CACNB2: variants seen among roughly 807,000 people sequenced by gnomAD.
CACNB2 encodes the protein calcium voltage-gated channel auxiliary subunit beta 2, also known as voltage-dependent L-type calcium channel subunit beta-2.
A neutral mutation model predicts 73.3 loss-of-function variants in CACNB2; 42 were observed. The observed-to-expected ratio is 0.57, with a 90% CI of 0.45 to 0.74. The LOEUF (loss-of-function observed/expected upper bound fraction) is 0.74, where lower values mean the gene tolerates loss of function less well. Among genes scored for constraint, CACNB2 ranks in the 30% least tolerant of loss-of-function variants. The probability of loss-of-function intolerance (pLI) is 0.00; values close to 1 mark genes in which losing one functional copy is unlikely to be tolerated. For missense variants in CACNB2, 940 were observed against 853.0 expected (o/e 1.10, Z -1.27); for synonymous variants, 348 against 310.3 (o/e 1.12, Z -1.28).
At chr10:18,295,967 C>T (rs1296672522) in intron 2 of CACNB2, among the ~76,000 whole-genome samples, 1 of 148,668 alleles carries the variant, frequency 6.7e-6, no homozygotes, top group Non-Finnish European at 1.5e-5. Context: ...TGTCTCTCTC[C>T]AGTTGTCAAA....
chr10:18,350,267 T>G (rs2041651219), intron 2 of CACNB2, among the ~76,000 whole-genome samples: 1 of 151,990 alleles, frequency 6.6e-6, no homozygotes, highest in Non-Finnish European at 1.5e-5. Flanking sequence ...TTTAAAATAA[T>G]AAAAATAATA....
At chr10:18,193,535 C>T (rs1023806868) in intron 2 of CACNB2, among the ~76,000 whole-genome samples, 47 of 152,114 alleles carry the variant, frequency 3.1e-4, no homozygotes, top group African/African-American at 1.1e-3. Context: ...GAGATAGATT[C>T]CAGAAGGGCC....
intron 12 of CACNB2, among the ~76,000 whole-genome samples, chr10:18,537,830 TTCCTA>T (rs1203689659): frequency 5.8e-4 from 89 of 152,280 alleles, no homozygotes; most frequent in African/African-American, 2.1e-3. Flanking sequence ...AACAGGCTTC[TTCCTA>T]TTCTATTCTA....
intron 3 of CACNB2, among the ~76,000 whole-genome samples, chr10:18,422,350 G>A (rs745733705): frequency 3.3e-5 from 5 of 152,226 alleles, no homozygotes; most frequent in Non-Finnish European, 7.3e-5. Context: ...TTGCAGAAGG[G>A]TAACCTACGG....
chr10:18,491,257 C>T lies in CACNB2; in HGVS notation c.334-7098C>T, dbSNP rs145581982. On this transcript the variant is annotated intron_variant, in intron 3 of 13. Transcript: ENST00000324631. ...GGAGTGAACTAGGAATGAGCTGAAC[C>T]ATGCCCCAGGGCCATGATGCTGGAA... is the stretch of plus-strand genomic sequence containing the variant. 1.0e-3 allele frequency among the ~76,000 whole-genome samples: 152 copies of T among 152,312 alleles called. 1 individual carries two copies. Among genetic ancestry groups the T allele is most frequent in the Non-Finnish European group, 2.0e-3 (133 of 68,034 alleles).
chr10:18,164,713 A>G (rs2032721289), intron 2 of CACNB2, among the ~76,000 whole-genome samples: 1 of 151,928 alleles, frequency 6.6e-6, no homozygotes, highest in Non-Finnish European at 1.5e-5. Context: ...CAGCCCGGAC[A>G]TCTGTGTTTA....
intron 2 of CACNB2, among the ~76,000 whole-genome samples, chr10:18,241,243 T>C (rs559963087): frequency 1.3e-5 from 2 of 152,328 alleles, no homozygotes; most frequent in African/African-American, 4.8e-5. Context: ...TAAGGCTGTG[T>C]CATGGGCACA....
chr10:18,374,682 A>C (rs17684350), intron 2 of CACNB2, among the ~76,000 whole-genome samples: 20,715 of 152,214 alleles, frequency 0.14, 1,542 homozygotes, highest in Middle Eastern at 0.21. Context: ...ACAGTAGTTC[A>C]ACACTCTGCA....
intron 1 of CACNB2, among the ~76,000 whole-genome samples, chr10:18,145,558 C>T (rs983063492): frequency 6.6e-6 from 1 of 151,996 alleles, no homozygotes; most frequent in African/African-American, 2.4e-5. Flanking sequence ...TTTTCTCTCT[C>T]TTTTTATGTG....
chr10:18,366,309 C>CA (rs1192269179), intron 2 of CACNB2, among the ~76,000 whole-genome samples: 219 of 150,516 alleles, frequency 1.5e-3, no homozygotes, highest in Middle Eastern at 0.014. Context: ...ACTAAAAATA[C>CA]AAAAAATTAG....
At chr10:18,485,912 T>C (rs2049035262) in intron 3 of CACNB2, among the ~76,000 whole-genome samples, 1 of 104,366 alleles carries the variant, frequency 9.6e-6, no homozygotes. Context: ...GGGATCTGGG[T>C]CATTTTTTTT....
At chr10:18,162,435 G>A (rs756899037) in intron 2 of CACNB2, among the ~76,000 whole-genome samples, 8 of 152,096 alleles carry the variant, frequency 5.3e-5, no homozygotes, top group Non-Finnish European at 8.8e-5. Context: ...GTTCAATGAC[G>A]CGTACTCGTT....
chr10:18,212,685 T>C (rs2035366017), intron 2 of CACNB2, among the ~76,000 whole-genome samples: 1 of 151,856 alleles, frequency 6.6e-6, no homozygotes, highest in South Asian at 2.1e-4. Context: ...CCAGGGTCGT[T>C]TATAAAATGT....
intron 1 of CACNB2, among the ~76,000 whole-genome samples, chr10:18,147,646 A>C (rs2031120674): frequency 6.6e-6 from 1 of 152,198 alleles, no homozygotes; most frequent in African/African-American, 2.4e-5. Flanking sequence ...GCTGGTAAAA[A>C]ATATTTAGAA....
At position 18,493,583 on chromosome 10, in the gene CACNB2, A is replaced by T. The variant is rs985520092; in HGVS notation, c.334-4772A>T. Among the ~76,000 whole-genome samples, 12 of 152,280 alleles carry T rather than the reference A, an allele frequency of 7.9e-5. No individual in the cohort carries two copies. In the East Asian group the frequency reaches 2.3e-3, roughly 29 times the overall value. ...ACCCAATACTAGCCTGGCCTGGTGC[A>T]ATCCATTTTCTGTAATCCCGTTACC... is the stretch of plus-strand genomic sequence containing the variant. On this transcript the variant is annotated intron_variant, in intron 3 of 13. Transcript: ENST00000324631.
intron 3 of CACNB2, among the ~76,000 whole-genome samples, chr10:18,429,808 GAAA>G (rs748893112): frequency 3.8e-4 from 27 of 71,694 alleles, no homozygotes; most frequent in Admixed American, 2.2e-3. Flanking sequence ...CGTCTCTACC[GAAA>G]AAAAAAAAAA....
In CACNB2 at chr10:18,541,010, A is replaced by C. The variant is rs2054042221; in HGVS notation, c.*1286A>C. 1 of 151,850 alleles carries C rather than the reference A, an allele frequency of 6.6e-6. No individual in the cohort carries two copies. The highest frequency in any genetic ancestry group is 2.1e-4 in the South Asian group (1 of 4,766). 9.4% of individuals were successfully genotyped at this position (151,850 alleles called of 1,614,324 possible). Reference sequence around the variant, plus strand: ...TTTTACTGTGAGTGTTTCACTGGAAATGTACAATCTTTGTGTGTTAGAGTA... The same window carrying C: ...TTTTACTGTGAGTGTTTCACTGGAACTGTACAATCTTTGTGTGTTAGAGTA... On this transcript the variant is annotated 3_prime_UTR_variant, in exon 14 of 14. Coordinates refer to ENST00000324631, the MANE Select transcript of CACNB2 (RefSeq NM_201596.3).
intron 3 of CACNB2, among the ~76,000 whole-genome samples, chr10:18,406,983 T>G (rs2044322817): frequency 6.6e-6 from 1 of 152,078 alleles, no homozygotes; most frequent in African/African-American, 2.4e-5. Context: ...GTTAGTTTCT[T>G]GAGAAAATGT....
chr10:18,196,584 A>G (rs2034635981), intron 2 of CACNB2, among the ~76,000 whole-genome samples: 1 of 152,104 alleles, frequency 6.6e-6, no homozygotes, highest in South Asian at 2.1e-4. Flanking sequence ...TCCCGAAGTG[A>G]TGGGATTACA....
Sources: allele counts gnomAD v4.1 joint callset (sites outside exome capture counted in the v4.1 genomes callset), GRCh38; gene constraint gnomAD v4.1.1; transcripts MANE v1.5; gene names NCBI Gene and HGNC (gene_info 2026-07-23, HGNC 2026-07-21).